ZNF565: variants seen among roughly 807,000 people sequenced by gnomAD.
ZNF565 encodes zinc finger protein 565.
A neutral mutation model predicts 39.4 loss-of-function variants in ZNF565; 27 were observed. That is an observed-to-expected ratio of 0.69 (90% CI 0.51 to 0.95). The LOEUF (loss-of-function observed/expected upper bound fraction) is 0.95, where lower values mean the gene tolerates loss of function less well. Ranked by LOEUF, ZNF565 falls within the 40% of genes least tolerant of loss-of-function variation. ZNF565 has a pLI of 0.00. For missense variants in ZNF565, 524 were observed against 621.1 expected (o/e 0.84, Z 1.66); for synonymous variants, 185 against 216.6 (o/e 0.85, Z 1.28).
chr19:36,225,503 CT>C (rs1246879476), intron 1 of ZNF565, among the ~76,000 whole-genome samples: 1 of 151,604 alleles, frequency 6.6e-6, no homozygotes, highest in Non-Finnish European at 1.5e-5. Context: ...CTTTGTGATT[CT>C]TACTTTTTTT....
chr19:36,225,110 G>C (rs761198036), intron 1 of ZNF565, among the ~76,000 whole-genome samples: 1 of 152,076 alleles, frequency 6.6e-6, no homozygotes, highest in Non-Finnish European at 1.5e-5. Flanking sequence ...TTTTACATTA[G>C]ATAAGATACT....
chr19:36,204,271 T>C (rs1347119338), intron 1 of ZNF565, among the ~76,000 whole-genome samples: 1 of 151,600 alleles, frequency 6.6e-6, no homozygotes, highest in Non-Finnish European at 1.5e-5. Flanking sequence ...ACTTAATGAA[T>C]GGGAATGGTG....
At chr19:36,219,406 T>C (rs1357787641), upstream of ZNF565, among the ~76,000 whole-genome samples, 4 of 152,226 alleles carry the variant, frequency 2.6e-5, no homozygotes, top group Non-Finnish European at 5.9e-5. Context: ...GTTTGAGTTA[T>C]GTTTATCTTT....
Position 36,208,205 on chromosome 19 carries a change from ATTTTTTTT to A in ZNF565, c.-65-6163_-65-6156del, listed in dbSNP as rs11307687. Reference sequence around the variant, plus strand: ...AATGTGAATTATGAGTTACAGGACAATTTTTTTTTTTTTTTTTGGCAGGGCAGGGACAG... The same window carrying A: ...AATGTGAATTATGAGTTACAGGACAATTTTTTTTTGGCAGGGCAGGGACAG... On this transcript the variant is annotated intron_variant, in intron 1 of 4. Transcript: ENST00000304116. 3.7e-5 allele frequency among the ~76,000 whole-genome samples: 5 copies of A among 136,026 alleles called. No individual in the cohort carries two copies. In the South Asian group the frequency reaches 1.2e-3, roughly 32 times the overall value. The allele number at this position is 136,026 out of a possible 152,430, so 89.2% of individuals were successfully genotyped here.
intron 2 of ZNF565, among the ~76,000 whole-genome samples, chr19:36,197,434 T>C (rs998824020): frequency 1.3e-5 from 2 of 151,834 alleles, no homozygotes; most frequent in African/African-American, 2.4e-5. Flanking sequence ...ATTGCGCCAC[T>C]GCACTCCAGC....
chr19:36,199,199 T>C (rs1975868200), intron 2 of ZNF565, among the ~76,000 whole-genome samples: 1 of 152,208 alleles, frequency 6.6e-6, no homozygotes, highest in South Asian at 2.1e-4. Flanking sequence ...TGATGGAGGG[T>C]ATACCTGAGT....
chr19:36,205,272 A>G (rs1439391498), intron 1 of ZNF565, among the ~76,000 whole-genome samples: 1 of 151,724 alleles, frequency 6.6e-6, no homozygotes, highest in Non-Finnish European at 1.5e-5. Flanking sequence ...CCACGCCTGT[A>G]ATCCCAGCAC....
At chr19:36,211,487 A>ACACACACACAC (rs547315562) in intron 1 of ZNF565, among the ~76,000 whole-genome samples, 2 of 143,868 alleles carry the variant, frequency 1.4e-5, no homozygotes, top group African/African-American at 5.3e-5. Context: ...ACACACACAC[A>ACACACACACAC]ATTCTAATTA....
At chr19:36,205,265 C>T (rs755081773) in intron 1 of ZNF565, among the ~76,000 whole-genome samples, 7 of 152,030 alleles carry the variant, frequency 4.6e-5, no homozygotes, top group Non-Finnish European at 7.4e-5. Flanking sequence ...ACGGTGCCCA[C>T]GCCTGTAATC....
chr19:36,230,871 G>A (rs1258543667), intron 1 of ZNF565, among the ~76,000 whole-genome samples: 5 of 151,984 alleles, frequency 3.3e-5, no homozygotes, highest in African/African-American at 7.3e-5. Flanking sequence ...GTGCGATCTC[G>A]GCTCACTGCA....
chr19:36,214,075 T>TAC (rs954867226), intron 1 of ZNF565, among the ~76,000 whole-genome samples: 17 of 151,798 alleles, frequency 1.1e-4, no homozygotes, highest in African/African-American at 4.1e-4. Context: ...ACTGTGGACA[T>TAC]ACACACAGTC....
chr19:36,197,984 C>T (rs961628437), intron 2 of ZNF565, among the ~76,000 whole-genome samples: 1 of 151,932 alleles, frequency 6.6e-6, no homozygotes, highest in Non-Finnish European at 1.5e-5. Flanking sequence ...CCCACTTCTA[C>T]TAAAAATACA....
At chr19:36,192,185 C>T (rs1287969445) in intron 4 of ZNF565, among the ~76,000 whole-genome samples, 7 of 151,288 alleles carry the variant, frequency 4.6e-5, no homozygotes, top group Non-Finnish European at 7.4e-5. Flanking sequence ...GACGGGGTTT[C>T]ACCATATTGG....
chr19:36,223,326 G>T (rs1055590047), intron 1 of ZNF565, among the ~76,000 whole-genome samples: 1 of 149,510 alleles, frequency 6.7e-6, no homozygotes, highest in Non-Finnish European at 1.5e-5. Context: ...CTGGGCAACA[G>T]AGTGAGACTC....
rs996827536 is a variant in ZNF565, at chr19:36,204,091, A to C, written c.-65-2041T>G. On this transcript the variant is annotated intron_variant, in intron 1 of 4. Transcript: ENST00000304116. The stretch of plus-strand genomic sequence containing the variant: ...CGGCCTCCCAAGTAGCTAGGACCAT[A>C]GGCATGCACCACCACGCCTGGCTAA... Among the ~76,000 whole-genome samples the C allele has an allele frequency of 6.6e-5, 10 of 151,438 alleles. No individual in the cohort carries two copies. The East Asian group carries it at 1.9e-3, about 29-fold the overall frequency.
upstream of ZNF565, among the ~76,000 whole-genome samples, chr19:36,217,951 A>C (rs1976681878): frequency 1.3e-5 from 2 of 151,710 alleles, no homozygotes; most frequent in African/African-American, 4.8e-5. Context: ...GGGTGGGGGT[A>C]CTGGAATAGA....
rs573141507 is a variant in ZNF565, at chr19:36,207,217, C to T, written c.-65-5167G>A. Among the ~76,000 whole-genome samples, 11 of 152,220 alleles carry T rather than the reference C, an allele frequency of 7.2e-5. No individual in the cohort carries two copies. In the South Asian group the frequency reaches 1.7e-3, roughly 23 times the overall value. ...TTAAGGAAAACAGGAAGGTACGAAA[C>T]TTTTAAAGCCAAGGAATGGCATAAT... On this transcript the variant is annotated intron_variant, in intron 1 of 4. Coordinates refer to ENST00000304116, the MANE Select transcript of ZNF565 (RefSeq NM_152477.5).
chr19:36,225,399 C>T (rs1276794946), intron 1 of ZNF565, among the ~76,000 whole-genome samples: 1 of 152,050 alleles, frequency 6.6e-6, no homozygotes, highest in East Asian at 1.9e-4. Flanking sequence ...TACTCATTTC[C>T]TCTGTTTATC....
At chr19:36,205,257 G>A (rs914604138) in intron 1 of ZNF565, among the ~76,000 whole-genome samples, 10 of 152,072 alleles carry the variant, frequency 6.6e-5, no homozygotes, top group Admixed American at 3.9e-4. Context: ...AGCCGGGCAC[G>A]GTGCCCACGC....
Sources: gnomAD v4.1 joint callset for allele counts (sites outside exome capture counted in the v4.1 genomes callset) on GRCh38, gnomAD v4.1.1 for gene constraint, MANE v1.5 for transcripts, NCBI Gene and HGNC (gene_info 2026-07-23, HGNC 2026-07-21) for gene names.